IRAK2: variants seen among roughly 807,000 people sequenced by gnomAD.
IRAK2 encodes the protein interleukin 1 receptor associated kinase 2, also known as interleukin-1 receptor-associated kinase-like 2.
In IRAK2, 57 loss-of-function variants were observed where a neutral mutation model predicts 72.0. The ratio of observed to expected loss-of-function variants is 0.79; its 90% CI spans 0.64 to 0.99. IRAK2 has a LOEUF of 0.99. IRAK2 is among the 50% of genes least tolerant of loss of function. The pLI, the probability that IRAK2 is intolerant of heterozygous loss-of-function variation, is 0.00. For synonymous variants in IRAK2, 293 were observed against 312.7 expected (o/e 0.94, Z 0.67); for missense variants, 790 against 794.4 (o/e 0.99, Z 0.07).
At chr3:10,221,558 A>AT (rs2125159632) in intron 8 of IRAK2, among the ~76,000 whole-genome samples, 1 of 150,086 alleles carries the variant, frequency 6.7e-6, no homozygotes, top group African/African-American at 2.5e-5. Flanking sequence ...TGGCCAAAAA[A>AT]AATTTTTTTT....
At chr3:10,169,238 C>T (rs947568758) in intron 1 of IRAK2, among the ~76,000 whole-genome samples, 2 of 152,130 alleles carry the variant, frequency 1.3e-5, no homozygotes, top group Non-Finnish European at 2.9e-5. Flanking sequence ...GTCCATGTCC[C>T]ACTGGGCACG....
intron 1 of IRAK2, among the ~76,000 whole-genome samples, chr3:10,172,154 A>G (rs1696803419): frequency 6.6e-6 from 1 of 151,118 alleles, no homozygotes; most frequent in Non-Finnish European, 1.5e-5. Flanking sequence ...GTGGATCATG[A>G]GGTCAGGAGA....
At chr3:10,168,396 A>G (rs1696738618) in intron 1 of IRAK2, among the ~76,000 whole-genome samples, 1 of 151,656 alleles carries the variant, frequency 6.6e-6, no homozygotes, top group Non-Finnish European at 1.5e-5. Context: ...TCTTCAGTAG[A>G]GACAGGGTTT....
intron 1 of IRAK2, among the ~76,000 whole-genome samples, chr3:10,175,346 C>G (rs573179314): frequency 6.6e-6 from 1 of 152,070 alleles, no homozygotes; most frequent in African/African-American, 2.4e-5. Flanking sequence ...AGGCTAGTAT[C>G]GAACTCCTGA....
chr3:10,225,300 TA>T (rs1697756110), intron 9 of IRAK2, among the ~76,000 whole-genome samples: 1 of 152,196 alleles, frequency 6.6e-6, no homozygotes. Flanking sequence ...AGTCCCCATT[TA>T]ACAGATGAGG....
At chr3:10,188,650 C>G (rs1171628663) in intron 2 of IRAK2, among the ~76,000 whole-genome samples, 4 of 152,306 alleles carry the variant, frequency 2.6e-5, no homozygotes, top group East Asian at 1.9e-4. Flanking sequence ...CCTGAGCCTC[C>G]CGAGTAGCTG....
At chr3:10,233,851 G>A (rs1476268290) in intron 10 of IRAK2, among the ~76,000 whole-genome samples, 2 of 152,010 alleles carry the variant, frequency 1.3e-5, no homozygotes, top group East Asian at 3.8e-4. Context: ...CTAGGTGTAG[G>A]TATTTTATTA....
At chr3:10,219,638 G>A (rs1323546561) in intron 7 of IRAK2, 42 bp from the exon 8 acceptor site, 1 of 1,484,158 alleles carries the variant, frequency 6.7e-7, no homozygotes, top group South Asian at 1.1e-5. Flanking sequence ...CTTTAAAAAG[G>A]TACATTGTGA....
In IRAK2 at chr3:10,217,015, A is replaced by G. The variant is rs199846560; in HGVS notation, c.870A>G (p.Ala290=). ...ACAGCTTCATCTACCCCTACATGGC[A>G]AATGGTTCCCTACAGGACAGACTGC... is the stretch of plus-strand genomic sequence containing the variant. ...QFHSFIYPYM[A]NGSLQDRLQG... The change falls in exon 7 of 13, where the codon GCA becomes GCG. Residue 290 remains alanine (A), a synonymous_variant. Transcript: ENST00000256458. 21 of 1,614,012 alleles carry G rather than the reference A, an allele frequency of 1.3e-5. No individual in the cohort carries two copies. The East Asian group carries it at 4.2e-4, about 33-fold the overall frequency.
At chr3:10,200,640 T>A in intron 3 of IRAK2, 125 bp downstream of exon 3, 2 of 761,376 alleles carry the variant, frequency 2.6e-6, no homozygotes, top group Non-Finnish European at 2.0e-6. Context: ...GGCCCATGCC[T>A]ATAATCCCAG....
intron 2 of IRAK2, among the ~76,000 whole-genome samples, chr3:10,184,949 G>GGAT (rs1233073477): frequency 2.0e-4 from 30 of 150,360 alleles, no homozygotes; most frequent in Admixed American, 5.3e-4. Context: ...GTGTTAGCCA[G>GGAT]GGTGATCTCC....
At chr3:10,170,507 T>C (rs1207534377) in intron 1 of IRAK2, among the ~76,000 whole-genome samples, 1 of 152,220 alleles carries the variant, frequency 6.6e-6, no homozygotes. Flanking sequence ...TTCCTGCCCC[T>C]GTTCCTCTCT....
chr3:10,235,012 C>T (rs1160788890), intron 11 of IRAK2, among the ~76,000 whole-genome samples: 1 of 152,204 alleles, frequency 6.6e-6, no homozygotes, highest in African/African-American at 2.4e-5. Flanking sequence ...GAGAGATGAG[C>T]CTCCACCCTG....
chr3:10,167,356 A>G (rs1696709919), intron 1 of IRAK2, among the ~76,000 whole-genome samples: 1 of 152,020 alleles, frequency 6.6e-6, no homozygotes, highest in Admixed American at 6.6e-5. Flanking sequence ...GTGCTCTGTG[A>G]CTGACTTGTT....
rs1268707977 is a variant in IRAK2, at chr3:10,210,376, G to A, written c.528+684G>A. On this transcript the variant is annotated intron_variant, in intron 4 of 12. Transcript: ENST00000256458. ...ACCCTGGGTGACAGAGTGAGACCCT[G>A]TCTCCAAAAATGTATGACCATATTG... 3.9e-5 allele frequency among the ~76,000 whole-genome samples: 6 copies of A among 151,984 alleles called. 1 individual carries two copies. The highest frequency in any genetic ancestry group is 1.2e-4 in the African/African-American group (5 of 41,374).
At chr3:10,235,040 A>G (rs1697933781) in intron 11 of IRAK2, among the ~76,000 whole-genome samples, 1 of 152,174 alleles carries the variant, frequency 6.6e-6, no homozygotes, top group East Asian at 1.9e-4. Context: ...CCACAGAGGG[A>G]GAACCTGATT....
intron 4 of IRAK2, among the ~76,000 whole-genome samples, chr3:10,210,890 C>T (rs1481824638): frequency 6.6e-5 from 10 of 152,116 alleles, no homozygotes; most frequent in East Asian, 1.9e-4. Flanking sequence ...TGAGGAGTCT[C>T]GCTCCATTGC....
In IRAK2 at chr3:10,176,638, C is replaced by T. The variant is rs536330251; in HGVS notation, c.95-1200C>T. ...GACTACAGGTGCACGCCACCACGCC[C>T]GGCTAATTTTTTGTATTTTTAGTAG... is the stretch of plus-strand genomic sequence containing the variant. On this transcript the variant is annotated intron_variant, in intron 1 of 12. Coordinates refer to ENST00000256458, the MANE Select transcript of IRAK2 (RefSeq NM_001570.4). 3.8e-3 allele frequency among the ~76,000 whole-genome samples: 566 copies of T among 150,906 alleles called. 4 individuals are homozygous for T. Among genetic ancestry groups the T allele is most frequent in the African/African-American group, 0.012 (489 of 41,054 alleles).
rs56053222 is a variant in IRAK2 at position 10,209,604 on chromosome 3, G to C, written c.440G>C (p.Arg147Thr). Residue 147 changes from arginine (R) to threonine (T), a missense_variant, in exon 4 of 13, where the codon AGA becomes ACA. Transcript: ENST00000256458. ...TCCTTTCCAGGGTCCTCTCCAGCCA[G>C]AGCCCACCAGCCGGCCTTTCTCCAG... is the stretch of plus-strand genomic sequence containing the variant. ...TFPGPGSSPARAHQPAFLQPP... is the reference protein window; with the variant it reads ...TFPGPGSSPATAHQPAFLQPP... 3,675 of 1,564,478 alleles carry C rather than the reference G, an allele frequency of 2.3e-3. 98 individuals are homozygous for C. The South Asian group carries it at 0.035, about 15-fold the overall frequency.
Sources: allele counts gnomAD v4.1 joint callset (sites outside exome capture counted in the v4.1 genomes callset), GRCh38; gene constraint gnomAD v4.1.1; transcripts MANE v1.5; gene names NCBI Gene and HGNC (gene_info 2026-07-23, HGNC 2026-07-21).